SATB2: variants seen among roughly 807,000 people sequenced by gnomAD.
SATB2 encodes DNA-binding protein SATB2.
Under a neutral mutation model 73.4 loss-of-function variants are expected in SATB2, and 1 was observed. That is an observed-to-expected ratio of 0.01 (90% CI 0.00 to 0.06). The LOEUF (loss-of-function observed/expected upper bound fraction) is 0.06, where lower values mean the gene tolerates loss of function less well. Among genes scored for constraint, SATB2 ranks in the 10% least tolerant of loss-of-function variants. The probability of loss-of-function intolerance (pLI) is 1.00; values close to 1 mark genes in which losing one functional copy is unlikely to be tolerated. For missense variants in SATB2, 459 were observed against 945.8 expected, an observed-to-expected ratio of 0.49 and a Z score of 6.75; for synonymous variants, 397 against 367.0, an observed-to-expected ratio of 1.08 and a Z score of -0.93.
intron 9 of SATB2, among the ~76,000 whole-genome samples, chr2:199,322,101 CA>C (rs1216854030): frequency 6.6e-6 from 1 of 152,164 alleles, no homozygotes; most frequent in Non-Finnish European, 1.5e-5. Flanking sequence ...TCACTATTTC[CA>C]AAAGCCATAC....
chr2:199,310,548 G>A (rs773769626), intron 9 of SATB2, among the ~76,000 whole-genome samples: 1 of 152,014 alleles, frequency 6.6e-6, no homozygotes, highest in Non-Finnish European at 1.5e-5. Context: ...GTTTCCTCAA[G>A]GGTTTCTTTG....
intron 10 of SATB2, among the ~76,000 whole-genome samples, chr2:199,302,196 A>G (rs1687306427): frequency 6.6e-6 from 1 of 152,178 alleles, no homozygotes; most frequent in Non-Finnish European, 1.5e-5. Flanking sequence ...GCTAATGTCT[A>G]ATCTACTGAC....
intron 2 of SATB2, among the ~76,000 whole-genome samples, chr2:199,437,450 T>C (rs1407183536): frequency 6.6e-6 from 1 of 152,200 alleles, no homozygotes; most frequent in Non-Finnish European, 1.5e-5. Context: ...TAAAGAAGTG[T>C]GTATAATTTA....
upstream of SATB2, among the ~76,000 whole-genome samples, chr2:199,466,183 C>G (rs190214220): frequency 2.0e-5 from 3 of 152,276 alleles, no homozygotes; most frequent in Admixed American, 1.3e-4. Context: ...AAGGACGTCT[C>G]GCGCATTCTT....
chr2:199,445,812 ATCTGAATGGAGATG>A (rs901346757), intron 2 of SATB2, among the ~76,000 whole-genome samples: 11 of 152,306 alleles, frequency 7.2e-5, no homozygotes, highest in African/African-American at 2.4e-4. Context: ...AAAGGGCAAC[ATCTGAATGGAGATG>A]TCTGAATGGA....
chr2:199,325,273 A>C (rs1165986967), intron 8 of SATB2: 1 of 152,170 alleles, frequency 6.6e-6, no homozygotes, highest in Admixed American at 6.6e-5. Flanking sequence ...AATTCTTTTA[A>C]GATTCCAATG....
chr2:199,423,509 A>G (rs1691234615), intron 3 of SATB2, among the ~76,000 whole-genome samples: 1 of 152,048 alleles, frequency 6.6e-6, no homozygotes, highest in South Asian at 2.1e-4. Context: ...AAAGAAAGAT[A>G]TATCAGAAGT....
At chr2:199,302,505 T>C (rs762176444) in intron 10 of SATB2, among the ~76,000 whole-genome samples, 1 of 152,152 alleles carries the variant, frequency 6.6e-6, no homozygotes, top group Non-Finnish European at 1.5e-5. Context: ...TCCCAACATC[T>C]TCCCAAGTGA....
At chr2:199,291,411 G>A (rs1049542165) in intron 10 of SATB2, among the ~76,000 whole-genome samples, 1 of 152,100 alleles carries the variant, frequency 6.6e-6, no homozygotes, top group Non-Finnish European at 1.5e-5. Flanking sequence ...AGAAACTCTA[G>A]AGGCCAAATA....
chr2:199,385,367 C>G (rs1559020531), intron 3 of SATB2, among the ~76,000 whole-genome samples: 1 of 152,142 alleles, frequency 6.6e-6, no homozygotes, highest in African/African-American at 2.4e-5. Context: ...CTCCTGGGCT[C>G]AAGCGATCTA....
chr2:199,278,566 G>GT (rs1692388523), intron 10 of SATB2, among the ~76,000 whole-genome samples: 1 of 152,172 alleles, frequency 6.6e-6, no homozygotes, highest in South Asian at 2.1e-4. Context: ...CACCATCAGG[G>GT]TAATGGAAAG....
chr2:199,438,935 CCAAG>C (rs1185219370), intron 2 of SATB2, among the ~76,000 whole-genome samples: 1 of 152,188 alleles, frequency 6.6e-6, no homozygotes, highest in East Asian at 1.9e-4. Context: ...GCTCTAAATC[CCAAG>C]CAGGCTGCTT....
intron 7 of SATB2, among the ~76,000 whole-genome samples, chr2:199,329,823 A>G (rs1187151105): frequency 6.6e-6 from 1 of 152,176 alleles, no homozygotes; most frequent in African/African-American, 2.4e-5. Flanking sequence ...AGGGCTGGAG[A>G]TCTAAGGTGG....
chr2:199,423,156 G>A (rs1691222514), intron 3 of SATB2, among the ~76,000 whole-genome samples: 1 of 152,036 alleles, frequency 6.6e-6, no homozygotes, highest in South Asian at 2.1e-4. Context: ...ATCAAAATAA[G>A]CATAATATAA....
Position 199,308,626 on chromosome 2 carries a change from T to C in SATB2, c.1740+134A>G, listed in dbSNP as rs1342496239. 1.4e-6 allele frequency: 1 copy of C among 734,688 alleles called. No homozygotes were observed. The highest frequency in any genetic ancestry group is 1.6e-5 in the South Asian group (1 of 62,306). 45.5% of individuals were successfully genotyped at this position (734,688 alleles called of 1,614,324 possible). A position where few individuals can be genotyped will look rare whatever the true frequency, so the allele number is the denominator to read the frequency against. On this transcript the variant is annotated intron_variant, in intron 10 of 10. Transcript: ENST00000417098. The surrounding 1 kb of genome is among the most constrained non-coding windows in gnomAD (Gnocchi z 4.6). ...CAGTACCCACTGTGACGACAGCGTC[T>C]TCTGTACTTGGGGACCTGGCATGAG...
intron 10 of SATB2, among the ~76,000 whole-genome samples, chr2:199,277,709 A>G (rs1692360013): frequency 6.6e-6 from 1 of 152,192 alleles, no homozygotes; most frequent in African/African-American, 2.4e-5. Context: ...AACAATAATA[A>G]TAGTAGTAAT....
At chr2:199,389,895 T>G (rs1263307825) in intron 3 of SATB2, among the ~76,000 whole-genome samples, 1 of 152,164 alleles carries the variant, frequency 6.6e-6, no homozygotes, top group African/African-American at 2.4e-5. Context: ...CATTCTATTT[T>G]AGAAATATAT....
chr2:199,320,310 A>G (rs1229028660), intron 9 of SATB2, among the ~76,000 whole-genome samples: 2 of 152,206 alleles, frequency 1.3e-5, no homozygotes, highest in Admixed American at 1.3e-4. Flanking sequence ...TTCTGCAGAC[A>G]GAAAAGGAAG....
chr2:199,315,053 A>G (rs926037739), intron 9 of SATB2, among the ~76,000 whole-genome samples: 21 of 152,072 alleles, frequency 1.4e-4, no homozygotes, highest in African/African-American at 4.8e-4. Context: ...TGCACACTTC[A>G]TAAGTTCTAC....
Sources: gnomAD v4.1 joint callset for allele counts (sites outside exome capture counted in the v4.1 genomes callset) on GRCh38, gnomAD v4.1.1 for gene constraint, Gnocchi (gnomAD v3.1) non-coding constraint, MANE v1.5 for transcripts, NCBI Gene and HGNC (gene_info 2026-07-23, HGNC 2026-07-21) for gene names.